The following FAM193B variants were observed in gnomAD, a reference collection of about 807,000 sequenced individuals.
FAM193B encodes protein FAM193B.
In FAM193B, 27 loss-of-function variants were observed where a neutral mutation model predicts 70.7. The ratio of observed to expected loss-of-function variants is 0.38; its 90% CI spans 0.28 to 0.53. The LOEUF is 0.53. FAM193B is among the 20% of genes least tolerant of loss of function. The pLI, the probability that FAM193B is intolerant of heterozygous loss-of-function variation, is 0.81. For missense variants in FAM193B, 1,022 were observed against 1,072.5 expected, an observed-to-expected ratio of 0.95 and a Z score of 0.66; for synonymous variants, 448 against 436.0, an observed-to-expected ratio of 1.03 and a Z score of -0.34.
At chr5:177,534,323 C>T (rs537418592) in intron 4 of FAM193B, among the ~76,000 whole-genome samples, 3 of 137,578 alleles carry the variant, frequency 2.2e-5, no homozygotes, top group Non-Finnish European at 4.6e-5. Context: ...GACGGAGTCT[C>T]GCTCTGTTGC....
chr5:177,531,523 T>TGGGGGGGGGG, intron 5 of FAM193B: 1 of 399,876 alleles, frequency 2.5e-6, no homozygotes, highest in Non-Finnish European at 4.5e-6. Context: ...AGCGGGTGGC[T>TGGGGGGGGGG]GGGGGTGGGG....
intron 8 of FAM193B, among the ~76,000 whole-genome samples, chr5:177,521,743 G>A (rs1761774601): frequency 6.6e-6 from 1 of 152,218 alleles, no homozygotes; most frequent in Non-Finnish European, 1.5e-5. Context: ...AGGGCCCAGG[G>A]AGGAGTAATA....
In FAM193B at chr5:177,532,007, G is replaced by A. The variant is rs1336148707; in HGVS notation, c.1275+436C>T. 1 of 1,291,178 alleles carries A rather than the reference G, an allele frequency of 7.7e-7. No homozygotes were observed. The highest frequency in any genetic ancestry group is 1.5e-5 in the African/African-American group (1 of 65,928). 80.0% of individuals were successfully genotyped at this position (1,291,178 alleles called of 1,614,324 possible). On this transcript the variant is annotated intron_variant, in intron 5 of 8. Coordinates refer to ENST00000514747, the MANE Select transcript of FAM193B (RefSeq NM_001190946.3). The surrounding 1 kb of genome is among the most constrained non-coding windows in gnomAD (Gnocchi z 4.9). ...CCTGGCCAGAGCCAGCATGCCCTCT[G>A]ATCTGAGCCTCCTTCCTGGCGCCGT...
intron 1 of FAM193B, chr5:177,553,817 G>A: frequency 7.8e-7 from 1 of 1,285,830 alleles, no homozygotes; most frequent in Non-Finnish European, 1.0e-6. Context: ...AGGGGACGGA[G>A]TGGAGCCGTT....
intron 5 of FAM193B, chr5:177,531,725 G>A (rs1763493351): frequency 3.2e-6 from 2 of 623,720 alleles, no homozygotes; most frequent in Admixed American, 3.8e-5. Context: ...ACAGGGCAGA[G>A]CTGGGCAAAC....
At chr5:177,544,784 G>A (rs574848700) in intron 1 of FAM193B, among the ~76,000 whole-genome samples, 1 of 152,322 alleles carries the variant, frequency 6.6e-6, no homozygotes, top group African/African-American at 2.4e-5. Flanking sequence ...GCACTGGCTC[G>A]ACCAATAGAT....
At chr5:177,547,290 T>TTTTTTTTC (rs1765565594) in intron 1 of FAM193B, 1 of 117,720 alleles carries the variant, frequency 8.5e-6, no homozygotes, top group Non-Finnish European at 1.8e-5. Flanking sequence ...TTATTTCTTT[T>TTTTTTTTC]TTTTTTTTTT....
At chr5:177,529,531 A>G (rs1164358825) in intron 5 of FAM193B, among the ~76,000 whole-genome samples, 9 of 152,130 alleles carry the variant, frequency 5.9e-5, no homozygotes. Flanking sequence ...GGCCTGCCAG[A>G]CAGGAGCTGT....
rs1416344965 is a variant in FAM193B, at chr5:177,532,861, T to G, written c.1077-220A>C. 6.6e-6 allele frequency among the ~76,000 whole-genome samples: 1 copy of G among 152,168 alleles called. No individual in the cohort carries two copies. The highest frequency in any genetic ancestry group is 2.4e-5 in the African/African-American group (1 of 41,432). ...ACAAATGTGGCTCTTCTGGAAAGGT[T>G]TCCCCACGCCTCCCCTGCCTGCACC... On this transcript the variant is annotated intron_variant, in intron 4 of 8. Coordinates refer to ENST00000514747, the MANE Select transcript of FAM193B (RefSeq NM_001190946.3). The surrounding 1 kb of genome is among the most constrained non-coding windows in gnomAD (Gnocchi z 4.9).
In FAM193B at chr5:177,532,219, T is replaced by C; in HGVS notation, c.1275+224A>G. The C allele has an allele frequency of 6.6e-7, 1 of 1,506,454 alleles. No homozygotes were observed. The highest frequency in any genetic ancestry group is 8.8e-7 in the Non-Finnish European group (1 of 1,132,130). The allele number at this position is 1,506,454 out of a possible 1,614,324, so 93.3% of individuals were successfully genotyped here. A position where few individuals can be genotyped will look rare whatever the true frequency, so the allele number is the denominator to read the frequency against. ...CTTTTGCCTAAGGAAAAAAAGTCAA[T>C]CTTAAGAGAAACCATGAGAAGAGCA... On this transcript the variant is annotated intron_variant, in intron 5 of 8. Coordinates refer to ENST00000514747, the MANE Select transcript of FAM193B (RefSeq NM_001190946.3). The surrounding 1 kb of genome is among the most constrained non-coding windows in gnomAD (Gnocchi z 4.9).
chr5:177,533,942 G>A (rs28727434), intron 4 of FAM193B, among the ~76,000 whole-genome samples: 149,158 of 152,360 alleles, frequency 0.98, 73,101 homozygotes, highest in East Asian at 1. Flanking sequence ...GTAATACAGA[G>A]TATTTTCCCA....
chr5:177,542,451 G>A (rs1047231959), intron 1 of FAM193B, among the ~76,000 whole-genome samples: 1 of 152,210 alleles, frequency 6.6e-6, no homozygotes, highest in South Asian at 2.1e-4. Context: ...TCATTAACAC[G>A]ACAGGAACAA....
At position 177,536,491 on chromosome 5, in the gene FAM193B, T is replaced by A; in HGVS notation, c.943A>T (p.Thr315Ser). 6.4e-7 allele frequency: 1 copy of A among 1,568,674 alleles called. No homozygotes were observed. Residue 315 changes from threonine (T) to serine (S), a missense_variant, in exon 4 of 9, where the codon ACC (threonine) becomes TCC (serine). Physicochemically the swap from Thr to Ser is moderately conservative, Grantham distance 58 (BLOSUM62 1). Coordinates refer to ENST00000514747, the MANE Select transcript of FAM193B (RefSeq NM_001190946.3). ...GGCATCTTCAGGAGCGGCATGCTGG[T>A]GGAGGGTAGATGGGAGCTCTGACAT... ...GPCQSSHLPS[T>S]SMPLLKMPPP...
chr5:177,541,564 G>A (rs1178207411), intron 1 of FAM193B, among the ~76,000 whole-genome samples: 1 of 152,230 alleles, frequency 6.6e-6, no homozygotes, highest in African/African-American at 2.4e-5. Context: ...GACTACAGGT[G>A]CCCGCCACCA....
At chr5:177,545,521 T>C (rs1385873812) in intron 1 of FAM193B, among the ~76,000 whole-genome samples, 1 of 152,150 alleles carries the variant, frequency 6.6e-6, no homozygotes, top group Non-Finnish European at 1.5e-5. Context: ...CAAAAGCTCT[T>C]TGGGTTCCTC....
Position 177,538,938 on chromosome 5 carries a change from A to C in FAM193B, c.420T>G (p.Asp140Glu), listed in dbSNP as rs200354448. Reference sequence around the variant, plus strand: ...CATGTTCTCGACCTGTCTGCCTTTCATCTTCCTCCATGCTCTTTCGGCAAC... The same window carrying C: ...CATGTTCTCGACCTGTCTGCCTTTCCTCTTCCTCCATGCTCTTTCGGCAAC... ...CQSCRKSMEE[D>E]ERQTGREHAV... Residue 140 changes from aspartate to glutamate, a missense_variant, in exon 2 of 9, where the codon GAT becomes GAG. Transcript: ENST00000514747. The surrounding 1 kb of genome is among the most constrained non-coding windows in gnomAD (Gnocchi z 4.1). The C allele has an allele frequency of 7.6e-4, 1,231 of 1,613,920 alleles. No individual in the cohort carries two copies. The highest frequency in any genetic ancestry group is 1.0e-3 in the Non-Finnish European group (1,185 of 1,179,894).
intron 5 of FAM193B, chr5:177,531,142 C>T: frequency 1.1e-6 from 1 of 926,890 alleles, no homozygotes; most frequent in Non-Finnish European, 1.4e-6. Flanking sequence ...GCCTCCCAAA[C>T]TCATTCAGAC....
At chr5:177,521,455 C>A (rs187610515) in intron 8 of FAM193B, among the ~76,000 whole-genome samples, 64 of 152,334 alleles carry the variant, frequency 4.2e-4, no homozygotes, top group African/African-American at 1.4e-3. Flanking sequence ...CTTTGGGTAG[C>A]CCCCATCAAC....
intron 1 of FAM193B, among the ~76,000 whole-genome samples, chr5:177,552,559 GGAA>G (rs1367375612): frequency 6.6e-6 from 1 of 152,248 alleles, no homozygotes; most frequent in South Asian, 2.1e-4. Flanking sequence ...CTGCTGAATG[GGAA>G]GAAGAGAAGA....
Sources: allele counts gnomAD v4.1 joint callset (sites outside exome capture counted in the v4.1 genomes callset), GRCh38; gene constraint gnomAD v4.1.1; non-coding constraint Gnocchi (gnomAD v3.1); transcripts MANE v1.5; gene names NCBI Gene and HGNC (gene_info 2026-07-23, HGNC 2026-07-21).